Variants in CHN2 observed in about 807,000 individuals in gnomAD.
The protein encoded by CHN2 is chimerin 2.
CHN2 carries 35 observed loss-of-function variants against 56.3 expected under a neutral mutation model. The ratio of observed to expected loss-of-function variants is 0.62; its 90% CI spans 0.47 to 0.82. CHN2 has a LOEUF of 0.82. Ranked by LOEUF, CHN2 falls within the 40% of genes least tolerant of loss-of-function variation. The pLI is 0.00. For synonymous variants in CHN2, 210 were observed against 212.8 expected, an observed-to-expected ratio of 0.99 and a Z score of 0.12; for missense variants, 491 against 580.5, an observed-to-expected ratio of 0.85 and a Z score of 1.58.
At chr7:29,389,160 G>A (rs7798090) in intron 3 of CHN2, among the ~76,000 whole-genome samples, 132,712 of 151,348 alleles carry the variant, frequency 0.88, 58,504 homozygotes, top group Non-Finnish European at 0.93. Flanking sequence ...TAATATTCCC[G>A]TTGCTCAGAG....
chr7:29,185,747 T>C (rs1798632061), intron 2 of CHN2: 1 of 152,184 alleles, frequency 6.6e-6, no homozygotes, highest in Non-Finnish European at 1.5e-5. Context: ...TTGCAAACCA[T>C]CGCCCTAGGA....
intron 3 of CHN2, among the ~76,000 whole-genome samples, chr7:29,386,298 G>T (rs1396751316): frequency 2.0e-5 from 3 of 151,986 alleles, no homozygotes; most frequent in Non-Finnish European, 4.4e-5. Context: ...ATTTTTTGTG[G>T]ATGAAATTGC....
At chr7:29,353,633 A>G (rs944986067) in intron 1 of CHN2, among the ~76,000 whole-genome samples, 1 of 152,042 alleles carries the variant, frequency 6.6e-6, no homozygotes, top group African/African-American at 2.4e-5. Flanking sequence ...CTCTGTCTCA[A>G]AAAAAAAGAA....
chr7:29,464,313 G>T (rs1213042122), intron 6 of CHN2, among the ~76,000 whole-genome samples: 1 of 152,154 alleles, frequency 6.6e-6, no homozygotes, highest in Non-Finnish European at 1.5e-5. Context: ...AATGCTGGTT[G>T]TTCTAAAACA....
intron 1 of CHN2, among the ~76,000 whole-genome samples, chr7:29,294,569 CAG>C (rs1054039958): frequency 6.6e-6 from 1 of 152,122 alleles, no homozygotes; most frequent in Non-Finnish European, 1.5e-5. Flanking sequence ...AGGACAGAAA[CAG>C]AGAGAAGCAG....
chr7:29,252,586 T>TTTTTGTTTTGTTTTGTTTTG lies in CHN2; in HGVS notation c.49+57600_49+57601insGTTTTGTTTTGTTTTGTTTT, dbSNP rs56735453. Reference sequence around the variant, plus strand: ...CTAAAATTGCATTCTTTGTTTTTTTTTTTTTTTTTTTTTTTTTTTTGAGAC... The same window carrying TTTTTGTTTTGTTTTGTTTTG: ...CTAAAATTGCATTCTTTGTTTTTTTTTTTTGTTTTGTTTTGTTTTGTTTTTTTTTTTTTTTTTTTTGAGAC... On this transcript the variant is annotated intron_variant, in intron 1 of 12. Coordinates refer to ENST00000222792, the MANE Select transcript of CHN2 (RefSeq NM_004067.4). 9.0e-4 allele frequency among the ~76,000 whole-genome samples: 26 copies of TTTTTGTTTTGTTTTGTTTTG among 28,904 alleles called. 2 individuals are homozygous for TTTTTGTTTTGTTTTGTTTTG. The East Asian group carries it at 0.017, about 19-fold the overall frequency. The allele number at this position is 28,904 out of a possible 152,430, so 19.0% of individuals were successfully genotyped here.
intron 2 of CHN2, among the ~76,000 whole-genome samples, chr7:29,180,791 C>T (rs1797972265): frequency 6.6e-6 from 1 of 152,178 alleles, no homozygotes; most frequent in Non-Finnish European, 1.5e-5. Flanking sequence ...AATCCAGGCC[C>T]TGTCACATTC....
intron 1 of CHN2, among the ~76,000 whole-genome samples, chr7:29,351,107 C>CCAAAAA (rs1797845852): frequency 1.4e-5 from 1 of 70,074 alleles, no homozygotes; most frequent in African/African-American, 5.0e-5. Context: ...GACTCCATCT[C>CCAAAAA]AAAAAAAAAA....
At chr7:29,178,088 AC>A (rs1797593812) in intron 2 of CHN2, among the ~76,000 whole-genome samples, 1 of 152,062 alleles carries the variant, frequency 6.6e-6, no homozygotes, top group Non-Finnish European at 1.5e-5. Context: ...GTCAGATTCT[AC>A]CCTAAGTCTG....
chr7:29,263,692 A>G (rs1789788375), intron 1 of CHN2, among the ~76,000 whole-genome samples: 1 of 149,864 alleles, frequency 6.7e-6, no homozygotes, highest in Admixed American at 6.6e-5. Flanking sequence ...CCCGTCTAGG[A>G]AGTGAGGAGT....
chr7:29,336,235 G>C (rs1465399571), intron 1 of CHN2: 1 of 152,130 alleles, frequency 6.6e-6, no homozygotes, highest in Non-Finnish European at 1.5e-5. Flanking sequence ...CCAGTATTTG[G>C]CTATGTAAGA....
At chr7:29,226,656 A>G (rs969756872) in intron 1 of CHN2, among the ~76,000 whole-genome samples, 1 of 152,212 alleles carries the variant, frequency 6.6e-6, no homozygotes, top group African/African-American at 2.4e-5. Context: ...CATTTATACA[A>G]TCAGAGTCAA....
chr7:29,191,515 G>C (rs1194874529), upstream of CHN2: 4 of 152,206 alleles, frequency 2.6e-5, no homozygotes, highest in Admixed American at 2.0e-4. Context: ...TTTGTGAAAG[G>C]GGGGAACAGA....
chr7:29,157,490 A>G (rs1308264027), intron 2 of CHN2, among the ~76,000 whole-genome samples: 1 of 152,230 alleles, frequency 6.6e-6, no homozygotes, highest in Non-Finnish European at 1.5e-5. Context: ...GCTTATTCAC[A>G]GTCTCTTTCA....
intron 1 of CHN2, among the ~76,000 whole-genome samples, chr7:29,210,763 A>G (rs1298393449): frequency 1.3e-5 from 2 of 152,120 alleles, no homozygotes; most frequent in Non-Finnish European, 1.5e-5. Flanking sequence ...AGAAGGCTTT[A>G]CTGAGAAGGT....
intron 1 of CHN2, among the ~76,000 whole-genome samples, chr7:29,265,019 A>G (rs145536997): frequency 6.6e-6 from 1 of 152,330 alleles, no homozygotes; most frequent in African/African-American, 2.4e-5. Context: ...TCAGGAGTGT[A>G]GAAAGTATCC....
intron 5 of CHN2, among the ~76,000 whole-genome samples, chr7:29,399,934 C>G (rs1346347953): frequency 3.3e-5 from 5 of 152,056 alleles, no homozygotes; most frequent in Non-Finnish European, 7.4e-5. Context: ...GAGGAGGGAA[C>G]CTCTAGGTTA....
chr7:29,374,292 C>T (rs1194450732), intron 3 of CHN2, among the ~76,000 whole-genome samples: 1 of 151,996 alleles, frequency 6.6e-6, no homozygotes, highest in Non-Finnish European at 1.5e-5. Flanking sequence ...GGGTTTAGAC[C>T]TGATGTAGTA....
intron 1 of CHN2, among the ~76,000 whole-genome samples, chr7:29,281,876 A>G (rs150016561): frequency 6.6e-6 from 1 of 152,304 alleles, no homozygotes; most frequent in East Asian, 1.9e-4. Flanking sequence ...CCTGTAACAC[A>G]TCTCATGTTG....
Sources: gnomAD v4.1 joint callset for allele counts (sites outside exome capture counted in the v4.1 genomes callset) on GRCh38, gnomAD v4.1.1 for gene constraint, MANE v1.5 for transcripts, NCBI Gene and HGNC (gene_info 2026-07-23, HGNC 2026-07-21) for gene names.